Variants in SRP54 observed in about 807,000 individuals in gnomAD.
SRP54 encodes signal recognition particle 54, also known as signal recognition particle subunit SRP54.
In SRP54, 10 loss-of-function variants were observed where a neutral mutation model predicts 64.8. The observed-to-expected ratio is 0.15, with a 90% CI of 0.10 to 0.26. The LOEUF (loss-of-function observed/expected upper bound fraction) is 0.26, where lower values mean the gene tolerates loss of function less well. Among genes scored for constraint, SRP54 ranks in the 10% least tolerant of loss-of-function variants. SRP54 has a pLI of 1.00. For missense variants in SRP54, 325 were observed against 613.7 expected, an observed-to-expected ratio of 0.53 and a Z score of 4.97; for synonymous variants, 193 against 185.6, an observed-to-expected ratio of 1.04 and a Z score of -0.32.
chr14:35,008,292 CGT>C lies in SRP54; in HGVS notation c.361-334_361-333del, dbSNP rs199524910. 1.5e-3 allele frequency among the ~76,000 whole-genome samples: 226 copies of C among 152,270 alleles called. 1 individual carries two copies. The highest frequency in any genetic ancestry group is 5.2e-3 in the African/African-American group (215 of 41,548). ...TTACAAGATTTTTCCACAAGCTTCA[CGT>C]ATGTTACAGTTTGAGAGGGAAAAAG... On this transcript the variant is annotated intron_variant, in intron 5 of 15. Transcript: ENST00000216774.
At chr14:34,992,828 GC>G (rs929610764) in intron 1 of SRP54, among the ~76,000 whole-genome samples, 2 of 151,384 alleles carry the variant, frequency 1.3e-5, no homozygotes, top group Non-Finnish European at 2.9e-5. Flanking sequence ...CCTAAAGTTT[GC>G]CCCCCCAAAA....
At chr14:35,015,099 C>T (rs1212274339) in intron 11 of SRP54, among the ~76,000 whole-genome samples, 2 of 151,982 alleles carry the variant, frequency 1.3e-5, no homozygotes, top group African/African-American at 4.8e-5. Context: ...TTTTTTAAGA[C>T]AGAGTCTCAC....
At chr14:35,005,536 C>T (rs1224685159) in intron 4 of SRP54, among the ~76,000 whole-genome samples, 1 of 151,896 alleles carries the variant, frequency 6.6e-6, no homozygotes, top group African/African-American at 2.4e-5. Flanking sequence ...TAGCTGGGAC[C>T]ACAGGTGCGT....
rs1240561251 is a variant in SRP54 at position 35,014,771 on chromosome 14, A to G, written c.914A>G (p.Asp305Gly). The G allele has an allele frequency of 1.2e-6, 2 of 1,613,812 alleles. No individual in the cohort carries two copies. Among genetic ancestry groups the G allele is most frequent in the African/African-American group, 2.7e-5 (2 of 74,912 alleles). Residue 305 changes from aspartate to glycine, a missense_variant, in exon 11 of 16, where the codon GAT (aspartate) becomes GGT (glycine). Physicochemically the swap from Asp to Gly is moderately conservative, Grantham distance 94 (BLOSUM62 -1). Coordinates refer to ENST00000216774, the MANE Select transcript of SRP54 (RefSeq NM_003136.4). ...ATGGGCGACATTGAAGGACTGATAG[A>G]TAAAGTCAACGAGTTGAAGTTGGAT... is the stretch of plus-strand genomic sequence containing the variant. ...LGMGDIEGLIDKVNELKLDDN... is the reference protein window; with the variant it reads ...LGMGDIEGLIGKVNELKLDDN...
intron 15 of SRP54, 28 bp downstream of exon 15, chr14:35,028,211 A>C (rs2044665925): frequency 7.2e-7 from 1 of 1,392,308 alleles, no homozygotes; most frequent in African/African-American, 1.4e-5. Flanking sequence ...GGCAGTTGCT[A>C]ATGCAGTTTA....
chr14:35,009,630 C>T (rs2044323413), intron 7 of SRP54, among the ~76,000 whole-genome samples: 1 of 152,092 alleles, frequency 6.6e-6, no homozygotes, highest in South Asian at 2.1e-4. Flanking sequence ...CTTAAATGGT[C>T]ATACCATTTG....
intron 4 of SRP54, among the ~76,000 whole-genome samples, chr14:35,005,330 C>T (rs2044239384): frequency 6.6e-6 from 1 of 152,024 alleles, no homozygotes; most frequent in African/African-American, 2.4e-5. Flanking sequence ...GAGTAAGACC[C>T]TGTCTCAAAA....
In SRP54 at chr14:34,998,999, GTGTGTGTGTGTGTGGT is replaced by G. The variant is rs1260523052; in HGVS notation, c.79-557_79-542del. Among the ~76,000 whole-genome samples, 4 of 96,944 alleles carry G rather than the reference GTGTGTGTGTGTGTGGT, an allele frequency of 4.1e-5. 1 individual carries two copies. The highest frequency in any genetic ancestry group is 6.5e-5 in the Non-Finnish European group (3 of 46,448). The allele number at this position is 96,944 out of a possible 152,430, so 63.6% of individuals were successfully genotyped here. The stretch of plus-strand genomic sequence containing the variant: ...TGTGTGTGTGTGTGTGTGTGTGTGT[GTGTGTGTGTGTGTGGT>G]TTTTTTTTTTTTTTTTTGAGACAAA... On this transcript the variant is annotated intron_variant, in intron 2 of 15. Transcript: ENST00000216774.
chr14:35,022,340 C>G (rs1284513025), intron 13 of SRP54, among the ~76,000 whole-genome samples: 1 of 151,144 alleles, frequency 6.6e-6, no homozygotes, highest in Non-Finnish European at 1.5e-5. Flanking sequence ...TATAAATGTT[C>G]TTTTGAATAT....
chr14:35,001,821 G>C (rs1468158017), intron 4 of SRP54, among the ~76,000 whole-genome samples: 2 of 151,994 alleles, frequency 1.3e-5, no homozygotes, highest in African/African-American at 2.4e-5. Flanking sequence ...CCTTATTGCT[G>C]ATCATGCAAA....
chr14:35,012,816 G>A (rs810193), intron 8 of SRP54, among the ~76,000 whole-genome samples: 14,424 of 151,796 alleles, frequency 0.095, 937 homozygotes, highest in Non-Finnish European at 0.15. Flanking sequence ...TAGAATGCAA[G>A]TTTCTTAGGA....
intron 1 of SRP54, among the ~76,000 whole-genome samples, chr14:34,985,599 A>G (rs2043882815): frequency 6.6e-6 from 1 of 152,100 alleles, no homozygotes; most frequent in African/African-American, 2.4e-5. Flanking sequence ...TTTCCCTCCA[A>G]TGTATTTGTT....
In SRP54 at chr14:35,008,822, T is replaced by C; in HGVS notation, c.476T>C (p.Phe159Ser). 1 of 1,608,686 alleles carries C rather than the reference T, an allele frequency of 6.2e-7. No individual in the cohort carries two copies. Among genetic ancestry groups the C allele is most frequent in the Non-Finnish European group, 8.5e-7 (1 of 1,177,678 alleles). ...KQNATKARIPFYGSYTEMDPV... is the reference protein window; with the variant it reads ...KQNATKARIPSYGSYTEMDPV... ...AATGCTACCAAAGCAAGAATTCCAT[T>C]TTATGGAAGGTAGGTTACTGTTTTT... The change falls in exon 7 of 16, where the codon TTT (phenylalanine) becomes TCT (serine). Residue 159 changes from phenylalanine (F) to serine (S), a missense_variant. This residue lies in a region of SRP54 where 156 missense variants were observed against 254.6 expected (regional missense o/e 0.61). Coordinates refer to ENST00000216774, the MANE Select transcript of SRP54 (RefSeq NM_003136.4).
chr14:35,011,786 G>A (rs2044360765), intron 8 of SRP54, 127 bp downstream of exon 8: 1 of 807,902 alleles, frequency 1.2e-6, no homozygotes, highest in African/African-American at 1.8e-5. Context: ...ATTTATTTTT[G>A]TTTTGGGCAC....
intron 14 of SRP54, among the ~76,000 whole-genome samples, chr14:35,024,480 C>T (rs1472108331): frequency 6.6e-6 from 1 of 152,096 alleles, no homozygotes; most frequent in Non-Finnish European, 1.5e-5. Flanking sequence ...CCCCTTATAT[C>T]TTTGTAATAG....
intron 7 of SRP54, among the ~76,000 whole-genome samples, chr14:35,010,379 G>A (rs765070994): frequency 2.0e-5 from 3 of 152,148 alleles, no homozygotes; most frequent in Non-Finnish European, 4.4e-5. Flanking sequence ...CCGGGAGGCA[G>A]AGGTTGCGGT....
chr14:35,011,675 TG>T lies in SRP54; in HGVS notation c.636+17del. ...TAATGCTATAGTAAGTAGCTTTCAA[TG>T]TAACACTATTATTAGGACTTTGGTT... On this transcript the variant is annotated intron_variant, in intron 8 of 15. Coordinates refer to ENST00000216774, the MANE Select transcript of SRP54 (RefSeq NM_003136.4). 1 of 1,505,540 alleles carries T rather than the reference TG, an allele frequency of 6.6e-7. No homozygotes were observed. The allele number at this position is 1,505,540 out of a possible 1,614,324, so 93.3% of individuals were successfully genotyped here.
chr14:35,017,972 G>T (rs906594438), intron 11 of SRP54, among the ~76,000 whole-genome samples: 1 of 152,002 alleles, frequency 6.6e-6, no homozygotes, highest in African/African-American at 2.4e-5. Flanking sequence ...AAATCCAGTG[G>T]CATGCATCCA....
intron 8 of SRP54, among the ~76,000 whole-genome samples, chr14:35,012,527 G>C (rs1050255186): frequency 1.3e-5 from 2 of 152,132 alleles, no homozygotes; most frequent in Non-Finnish European, 2.9e-5. Flanking sequence ...GCAGATCTAA[G>C]GGAAGTAGCC....
Sources: allele counts gnomAD v4.1 joint callset (sites outside exome capture counted in the v4.1 genomes callset), GRCh38; gene constraint gnomAD v4.1.1; regional missense constraint gnomAD v4.1.1; transcripts MANE v1.5; gene names NCBI Gene and HGNC (gene_info 2026-07-23, HGNC 2026-07-21).